NBAS: variants seen among roughly 807,000 people sequenced by gnomAD.
The protein encoded by NBAS is NAG/BC035112 fusion.
In NBAS, 219 loss-of-function variants were observed where a neutral mutation model predicts 302.5. The observed-to-expected ratio is 0.72, with a 90% CI of 0.65 to 0.81. NBAS has a LOEUF of 0.81. Among genes scored for constraint, NBAS ranks in the 30% least tolerant of loss-of-function variants. The pLI is 0.00. For missense variants in NBAS, 2,932 were observed against 2,841.6 expected, an observed-to-expected ratio of 1.03 and a Z score of -0.72; for synonymous variants, 1,118 against 1,021.6, an observed-to-expected ratio of 1.09 and a Z score of -1.80.
At chr2:14,980,979 C>T in the NBAS span, among the ~76,000 whole-genome samples, 1 of 148,884 alleles carries the variant, frequency 6.7e-6, no homozygotes, top group Non-Finnish European at 1.5e-5. Context: ...ATCTAAAAGA[C>T]AAAGAGGAGA....
At chr2:15,078,203 G>A in the NBAS span, among the ~76,000 whole-genome samples, 1 of 152,132 alleles carries the variant, frequency 6.6e-6, no homozygotes, top group Non-Finnish European at 1.5e-5. Context: ...TATCCTGCAG[G>A]CAATGGGAAG....
intron 48 of NBAS, among the ~76,000 whole-genome samples, chr2:15,212,990 C>T (rs13020293): frequency 0.065 from 9,942 of 152,242 alleles, 365 homozygotes; most frequent in East Asian, 0.13. Context: ...TCTATGTTCT[C>T]CACTGGTGTA....
rs775941838 is a variant in NBAS at position 15,474,294 on chromosome 2, G to A, written c.1372C>T (p.Arg458Cys). The change falls in exon 15 of 52, where the codon CGT becomes TGT. Residue 458 changes from arginine (R) to cysteine (C), a missense_variant. By Grantham distance (180) the Arg-to-Cys change is radical. Transcript: ENST00000281513. Reference sequence around the variant, plus strand: ...TCTTCTCCAGCTCTAGTCTCCAAACGAGATCGTTTGGGGGCAAGTTTAATC... The same window carrying A: ...TCTTCTCCAGCTCTAGTCTCCAAACAAGATCGTTTGGGGGCAAGTTTAATC... ...CEIKLAPKRS[R>C]LETRAGEEDE... 39 of 1,613,486 alleles carry A rather than the reference G, an allele frequency of 2.4e-5. No homozygotes were observed. Among genetic ancestry groups the A allele is most frequent in the Non-Finnish European group, 3.0e-5 (35 of 1,179,760 alleles).
rs187508303 is a variant in NBAS, at chr2:15,270,750, T to C, written c.5724+4734A>G. Among the ~76,000 whole-genome samples the C allele has an allele frequency of 8.4e-3, 1,286 of 152,300 alleles. 15 individuals carry two copies. Among genetic ancestry groups the C allele is most frequent in the Non-Finnish European group, 0.014 (956 of 68,022 alleles). Reference sequence around the variant, plus strand: ...TAACATAACTTAAAAATTCTTTTACTGTATAATTTTTAAAAACCTTCATTT... The same window carrying C: ...TAACATAACTTAAAAATTCTTTTACCGTATAATTTTTAAAAACCTTCATTT... On this transcript the variant is annotated intron_variant, in intron 44 of 51. Transcript: ENST00000281513.
chr2:14,849,114 G>A, the NBAS span, among the ~76,000 whole-genome samples: 46 of 146,228 alleles, frequency 3.1e-4, no homozygotes, highest in Admixed American at 2.9e-3. Flanking sequence ...GGCTTCAGAC[G>A]ATCAAATTAC....
chr2:15,244,082 G>C (rs1667981080), intron 44 of NBAS, among the ~76,000 whole-genome samples: 1 of 152,078 alleles, frequency 6.6e-6, no homozygotes, highest in African/African-American at 2.4e-5. Flanking sequence ...TGGAGAGAGA[G>C]AACGTACAGG....
rs1192792378 is a variant in NBAS at position 15,512,121 on chromosome 2, T to C, written c.747-771A>G. Among the ~76,000 whole-genome samples the C allele has an allele frequency of 3.3e-5, 5 of 152,208 alleles. No homozygotes were observed. In the East Asian group the frequency reaches 7.7e-4, roughly 23 times the overall value. ...TTTACCTCCTTCTTGGCCATACTCA[T>C]AGAAAAACCAAATCTTGAAAAATTT... On this transcript the variant is annotated intron_variant, in intron 9 of 51. Transcript: ENST00000281513.
intron 9 of NBAS, among the ~76,000 whole-genome samples, chr2:15,524,839 A>C (rs2148666160): frequency 6.6e-6 from 1 of 151,898 alleles, no homozygotes; most frequent in African/African-American, 2.4e-5. Context: ...TCTGATGTCC[A>C]TACCTTGTTA....
At chr2:15,504,358 C>G in intron 10 of NBAS, 145 bp from the exon 11 acceptor site, 7 of 734,782 alleles carry the variant, frequency 9.5e-6, no homozygotes, top group Non-Finnish European at 1.6e-5. Context: ...TGTCAAGGAT[C>G]TTGGTGAGAT....
the NBAS span, among the ~76,000 whole-genome samples, chr2:15,084,985 C>A: frequency 1.3e-5 from 2 of 152,218 alleles, no homozygotes; most frequent in Non-Finnish European, 2.9e-5. Flanking sequence ...TCATGCTGGC[C>A]GCTGCAGGGA....
At chr2:15,390,298 A>G (rs1675526061) in intron 28 of NBAS, among the ~76,000 whole-genome samples, 1 of 152,230 alleles carries the variant, frequency 6.6e-6, no homozygotes, top group South Asian at 2.1e-4. Flanking sequence ...TAAATTAACC[A>G]TGTCCCAGAA....
At chr2:14,820,301 G>T in the NBAS span, among the ~76,000 whole-genome samples, 1 of 152,104 alleles carries the variant, frequency 6.6e-6, no homozygotes, top group Non-Finnish European at 1.5e-5. Flanking sequence ...AGAAAATGTG[G>T]TACATATACC....
chr2:15,190,462 A>C, intron 48 of NBAS, 59 bp from the exon 49 acceptor site: 10 of 1,586,220 alleles, frequency 6.3e-6, no homozygotes, highest in Non-Finnish European at 8.6e-6. Context: ...TGGTTTATAG[A>C]ATAATTCTAC....
downstream of NBAS, among the ~76,000 whole-genome samples, chr2:15,162,872 C>A (rs1663928989): frequency 6.6e-6 from 1 of 152,202 alleles, no homozygotes; most frequent in Non-Finnish European, 1.5e-5. Flanking sequence ...GACTACTGAG[C>A]TGCTGCATTT....
chr2:14,830,010 G>C, the NBAS span, among the ~76,000 whole-genome samples: 1,487 of 152,300 alleles, frequency 9.8e-3, 15 homozygotes, highest in Non-Finnish European at 0.017. Flanking sequence ...GAAATATAGA[G>C]GCTGGTCCAG....
intron 44 of NBAS, among the ~76,000 whole-genome samples, chr2:15,243,867 AGTAAGAGAT>A (rs1225843694): frequency 6.6e-6 from 1 of 152,232 alleles, no homozygotes; most frequent in East Asian, 1.9e-4. Flanking sequence ...AGACCCCATG[AGTAAGAGAT>A]AAGACGGAGA....
At chr2:14,988,069 A>C in the NBAS span, among the ~76,000 whole-genome samples, 3 of 152,180 alleles carry the variant, frequency 2.0e-5, no homozygotes, top group African/African-American at 7.2e-5. Flanking sequence ...CGTGAAGAAA[A>C]GTGTGAGCCA....
the NBAS span, among the ~76,000 whole-genome samples, chr2:14,945,244 T>C: frequency 2.0e-5 from 3 of 152,322 alleles, no homozygotes; most frequent in African/African-American, 2.4e-5. Flanking sequence ...CCCGGACTTA[T>C]GGTGCCACCT....
At chr2:15,396,336 G>A in intron 27 of NBAS, 77 bp downstream of exon 27, 3 of 1,196,790 alleles carry the variant, frequency 2.5e-6, no homozygotes, top group South Asian at 1.4e-5. Flanking sequence ...TGACTCACAG[G>A]CAGACTTAAT....
Sources: gnomAD v4.1 joint callset for allele counts (sites outside exome capture counted in the v4.1 genomes callset) on GRCh38, gnomAD v4.1.1 for gene constraint, MANE v1.5 for transcripts, NCBI Gene and HGNC (gene_info 2026-07-23, HGNC 2026-07-21) for gene names.